Variants in RBPJ observed in about 807,000 individuals in gnomAD.
The protein encoded by RBPJ is recombination signal binding protein for immunoglobulin kappa J region, also known as recombining binding protein suppressor of hairless.
RBPJ carries 9 observed loss-of-function variants against 67.8 expected under a neutral mutation model. The ratio of observed to expected loss-of-function variants is 0.13; its 90% CI spans 0.08 to 0.23. RBPJ has a LOEUF of 0.23. RBPJ is among the 10% of genes least tolerant of loss of function. The probability of loss-of-function intolerance (pLI) is 1.00; values close to 1 mark genes in which losing one functional copy is unlikely to be tolerated. For missense variants in RBPJ, 305 were observed against 595.6 expected (o/e 0.51, Z 5.08); for synonymous variants, 198 against 203.3 (o/e 0.97, Z 0.22).
At chr4:26,298,096 C>T (rs1340750035) in intron 1 of RBPJ, among the ~76,000 whole-genome samples, 4 of 152,144 alleles carry the variant, frequency 2.6e-5, no homozygotes, top group Non-Finnish European at 4.4e-5. Flanking sequence ...GAACCACCAA[C>T]TGAATGCCGT....
chr4:26,315,167 A>AAAATAT (rs1325689348), upstream of RBPJ, among the ~76,000 whole-genome samples: 70 of 74,734 alleles, frequency 9.4e-4, no homozygotes, highest in South Asian at 1.3e-3. Flanking sequence ...AAAAAAAAAA[A>AAAATAT]ATATATATAT....
At chr4:26,313,212 C>G (rs557481531) in intron 1 of RBPJ, among the ~76,000 whole-genome samples, 1 of 152,266 alleles carries the variant, frequency 6.6e-6, no homozygotes, top group Admixed American at 6.5e-5. Context: ...CATGAGCCAC[C>G]AAGCCGGAAC....
chr4:26,260,561 G>A (rs1220319986), intron 1 of RBPJ, among the ~76,000 whole-genome samples: 1 of 152,182 alleles, frequency 6.6e-6, no homozygotes, highest in Non-Finnish European at 1.5e-5. Context: ...CAGGGGCTCT[G>A]ATAAATCTAA....
chr4:26,205,035 G>A (rs1172905787), intron 1 of RBPJ, among the ~76,000 whole-genome samples: 1 of 152,210 alleles, frequency 6.6e-6, no homozygotes, highest in Non-Finnish European at 1.5e-5. Flanking sequence ...GTGGCTGGAA[G>A]GAGCTGCCTC....
At chr4:26,422,056 T>G (rs1735189501) in intron 5 of RBPJ, among the ~76,000 whole-genome samples, 2 of 152,226 alleles carry the variant, frequency 1.3e-5, no homozygotes, top group Admixed American at 6.5e-5. Context: ...TTTTTCCTGT[T>G]GTGGAATTCC....
chr4:26,358,254 A>G (rs1023063561), intron 1 of RBPJ, among the ~76,000 whole-genome samples: 11 of 152,092 alleles, frequency 7.2e-5, no homozygotes, highest in Admixed American at 5.9e-4. Flanking sequence ...AGCATAAAAT[A>G]TGTATCCTAC....
At chr4:26,218,007 T>G (rs1718774135) in intron 1 of RBPJ, among the ~76,000 whole-genome samples, 1 of 152,218 alleles carries the variant, frequency 6.6e-6, no homozygotes, top group South Asian at 2.1e-4. Context: ...TTCCACCTTA[T>G]TAAAATGCAG....
intron 1 of RBPJ, among the ~76,000 whole-genome samples, chr4:26,308,145 G>A (rs1015904145): frequency 2.6e-5 from 4 of 152,116 alleles, no homozygotes; most frequent in South Asian, 2.1e-4. Flanking sequence ...GCGTGGTGGC[G>A]GGCGCCTGTA....
intron 5 of RBPJ, 87 bp downstream of exon 5, chr4:26,420,812 T>A: frequency 9.4e-7 from 1 of 1,063,378 alleles, no homozygotes; most frequent in Non-Finnish European, 1.3e-6. Flanking sequence ...GCCTTTTCAA[T>A]AGCCAATTAA....
rs145550331 is a variant in RBPJ, at chr4:26,234,224, AC to A, written c.-167+70611del. Reference sequence around the variant, plus strand: ...GGACAGAGTACTGAACTACTACTGTACTTTTTCCTTCATTTCTTGCCTAAAA... The same window carrying A: ...GGACAGAGTACTGAACTACTACTGTATTTTTCCTTCATTTCTTGCCTAAAA... On this transcript the variant is annotated intron_variant, in intron 1 of 4. Transcript: ENST00000512351. Among the ~76,000 whole-genome samples, 537 of 152,362 alleles carry A rather than the reference AC, an allele frequency of 3.5e-3. 3 individuals carry two copies. Among genetic ancestry groups the A allele is most frequent in the Non-Finnish European group, 4.4e-3 (297 of 68,028 alleles).
At chr4:26,248,580 A>G (rs1720000714) in intron 1 of RBPJ, among the ~76,000 whole-genome samples, 1 of 152,184 alleles carries the variant, frequency 6.6e-6, no homozygotes, top group African/African-American at 2.4e-5. Flanking sequence ...ATTTTAATAC[A>G]AAAAAGGGAA....
chr4:26,337,048 G>C (rs148771666), intron 1 of RBPJ, among the ~76,000 whole-genome samples: 1 of 151,732 alleles, frequency 6.6e-6, no homozygotes, highest in Non-Finnish European at 1.5e-5. Flanking sequence ...TGCATCCTCC[G>C]TCTCCCGGGT....
At position 26,420,732 on chromosome 4, in the gene RBPJ, A is replaced by G. The variant is rs1735044666; in HGVS notation, c.496+7A>G. The G allele has an allele frequency of 1.3e-6, 2 of 1,583,416 alleles. No individual in the cohort carries two copies. Among genetic ancestry groups the G allele is most frequent in the Non-Finnish European group, 1.7e-6 (2 of 1,165,810 alleles). On this transcript the variant is annotated splice_region_variant and intron_variant, in intron 5 of 10. Transcript: ENST00000355476. Reference sequence around the variant, plus strand: ...TCATTGAAAAATGCTGACTGTATGTATGCTTTTCTTATTTATCCCCAACTG... The same window carrying G: ...TCATTGAAAAATGCTGACTGTATGTGTGCTTTTCTTATTTATCCCCAACTG...
chr4:26,203,612 A>C (rs1718067463), intron 1 of RBPJ, among the ~76,000 whole-genome samples: 1 of 152,210 alleles, frequency 6.6e-6, no homozygotes. Flanking sequence ...GAACTGGCTC[A>C]GACCAAAGGC....
intron 1 of RBPJ, among the ~76,000 whole-genome samples, chr4:26,370,586 T>C (rs1284748688): frequency 5.3e-5 from 8 of 152,188 alleles, no homozygotes; most frequent in Admixed American, 5.2e-4. Flanking sequence ...CACTTCTTTA[T>C]AGAATCTTTC....
At chr4:26,158,325 G>T in the RBPJ span, among the ~76,000 whole-genome samples, 6 of 152,176 alleles carry the variant, frequency 3.9e-5, no homozygotes, top group Non-Finnish European at 7.3e-5. Flanking sequence ...CTCCAAGTTT[G>T]TCTTGATTCT....
the RBPJ span, among the ~76,000 whole-genome samples, chr4:26,136,495 T>C: frequency 6.6e-6 from 1 of 152,170 alleles, no homozygotes; most frequent in South Asian, 2.1e-4. Flanking sequence ...AGCAAGAGAC[T>C]GCAGGGAAGT....
the RBPJ span, among the ~76,000 whole-genome samples, chr4:26,106,260 T>G: frequency 1.3e-5 from 2 of 152,228 alleles, no homozygotes; most frequent in Non-Finnish European, 2.9e-5. Flanking sequence ...TATCTTGCAA[T>G]AGAGTTCTAG....
At chr4:26,312,352 C>T (rs1332484364) in intron 1 of RBPJ, among the ~76,000 whole-genome samples, 1 of 152,108 alleles carries the variant, frequency 6.6e-6, no homozygotes, top group Non-Finnish European at 1.5e-5. Flanking sequence ...AAGATGGTCT[C>T]GATCTCCTGA....
Sources: allele counts gnomAD v4.1 joint callset (sites outside exome capture counted in the v4.1 genomes callset), GRCh38; gene constraint gnomAD v4.1.1; transcripts MANE v1.5; gene names NCBI Gene and HGNC (gene_info 2026-07-23, HGNC 2026-07-21).